CDC123: variants seen among roughly 807,000 people sequenced by gnomAD.
The protein encoded by CDC123 is translation initiation factor eIF2 assembly protein.
In CDC123, 37 loss-of-function variants were observed where a neutral mutation model predicts 54.4. That is an observed-to-expected ratio of 0.68 (90% CI 0.52 to 0.89). CDC123 has a LOEUF of 0.89. Among genes scored for constraint, CDC123 ranks in the 40% least tolerant of loss-of-function variants. The pLI is 0.00. For missense variants in CDC123, 361 were observed against 412.1 expected, an observed-to-expected ratio of 0.88 and a Z score of 1.07; for synonymous variants, 144 against 136.8, an observed-to-expected ratio of 1.05 and a Z score of -0.37.
intron 2 of CDC123, among the ~76,000 whole-genome samples, chr10:12,200,120 A>T (rs112605963): frequency 0.034 from 2,028 of 59,314 alleles, 113 homozygotes; most frequent in African/African-American, 0.12. Context: ...CGCACTCGGC[A>T]TTTTTTTTTT....
chr10:12,213,767 A>C (rs148746538), intron 4 of CDC123, among the ~76,000 whole-genome samples: 46 of 152,352 alleles, frequency 3.0e-4, no homozygotes, highest in Non-Finnish European at 5.4e-4. Flanking sequence ...GAACTGGTTC[A>C]AAAGAGAATC....
At chr10:12,221,128 GCTTGA>G (rs2131744467) in intron 6 of CDC123, among the ~76,000 whole-genome samples, 1 of 151,412 alleles carries the variant, frequency 6.6e-6, no homozygotes, top group African/African-American at 2.4e-5. Context: ...CTATTTTGAG[GCTTGA>G]CTTGACAAAA....
At chr10:12,217,755 AAAAT>A (rs1466000135) in intron 6 of CDC123, among the ~76,000 whole-genome samples, 4 of 152,194 alleles carry the variant, frequency 2.6e-5, no homozygotes, top group Admixed American at 1.3e-4. Context: ...ATAGAAAAGC[AAAAT>A]TAGGGATTAC....
At chr10:12,199,184 G>GC (rs964676835) in intron 2 of CDC123, among the ~76,000 whole-genome samples, 15 of 152,154 alleles carry the variant, frequency 9.9e-5, no homozygotes, top group Middle Eastern at 3.4e-3. Flanking sequence ...AACTACCGTG[G>GC]CCCCCCCTCC....
chr10:12,215,695 C>T (rs775687918), intron 4 of CDC123, 45 bp from the exon 5 acceptor site: 2 of 1,149,824 alleles, frequency 1.7e-6, no homozygotes, highest in Non-Finnish European at 1.3e-6. Flanking sequence ...TATATATATA[C>T]TGTGATGATA....
chr10:12,223,047 A>G (rs1329304609), intron 6 of CDC123, among the ~76,000 whole-genome samples: 1 of 151,758 alleles, frequency 6.6e-6, no homozygotes, highest in Non-Finnish European at 1.5e-5. Flanking sequence ...GCCTGCCACC[A>G]TGCCTGGCTA....
chr10:12,215,932 A>C, intron 5 of CDC123, 97 bp downstream of exon 5: 1 of 664,246 alleles, frequency 1.5e-6, no homozygotes, highest in Non-Finnish European at 2.4e-6. Context: ...TTATATTCCT[A>C]ATTCTAGGAA....
rs150239831 is a variant in CDC123 at position 12,225,906 on chromosome 10, C to T, written c.441-5042C>T. 3.3e-5 allele frequency among the ~76,000 whole-genome samples: 5 copies of T among 151,888 alleles called. No homozygotes were observed. The South Asian group carries it at 8.3e-4, about 25-fold the overall frequency. ...TGGTTTTCCTAGGCAGAGGACCCTG[C>T]GGCCTTCTGCAGTGTTTGTGTCCCT... On this transcript the variant is annotated intron_variant, in intron 6 of 12. Coordinates refer to ENST00000281141, the MANE Select transcript of CDC123 (RefSeq NM_006023.3).
intron 6 of CDC123, among the ~76,000 whole-genome samples, chr10:12,230,283 C>G (rs571713503): frequency 5.5e-4 from 83 of 152,028 alleles, no homozygotes; most frequent in African/African-American, 1.9e-3. Flanking sequence ...TCCTCCGCCT[C>G]ACGGTTTTAG....
At chr10:12,200,119 C>CCTTTTTTTTTTTTTTTTT (rs1564431631) in intron 2 of CDC123, among the ~76,000 whole-genome samples, 3 of 24,272 alleles carry the variant, frequency 1.2e-4, no homozygotes, top group African/African-American at 3.4e-4. Context: ...CCGCACTCGG[C>CCTTTTTTTTTTTTTTTTT]ATTTTTTTTT....
chr10:12,200,669 A>C (rs1372671766), intron 2 of CDC123, among the ~76,000 whole-genome samples: 1 of 152,028 alleles, frequency 6.6e-6, no homozygotes, highest in South Asian at 2.1e-4. Context: ...GCGGTGGCTC[A>C]TGCCTGTAAT....
At chr10:12,204,064 G>A (rs1284262386) in intron 2 of CDC123, among the ~76,000 whole-genome samples, 2 of 147,134 alleles carry the variant, frequency 1.4e-5, no homozygotes, top group Non-Finnish European at 3.0e-5. Context: ...CTGCACTCCA[G>A]CCTGGGCAAC....
intron 4 of CDC123, among the ~76,000 whole-genome samples, chr10:12,214,323 C>T (rs1022072274): frequency 6.6e-6 from 1 of 152,086 alleles, no homozygotes; most frequent in African/African-American, 2.4e-5. Context: ...ATGGCTAGAG[C>T]GGTAGGGGAG....
chr10:12,239,844 T>G (rs1836032891), intron 10 of CDC123, among the ~76,000 whole-genome samples: 1 of 151,688 alleles, frequency 6.6e-6, no homozygotes, highest in South Asian at 2.1e-4. Flanking sequence ...CTGTCTCTAC[T>G]AAAAATACAA....
chr10:12,199,972 C>T, intron 2 of CDC123, among the ~76,000 whole-genome samples: 1 of 151,658 alleles, frequency 6.6e-6, no homozygotes, highest in South Asian at 2.1e-4. Flanking sequence ...CAGGCGCCCA[C>T]CACCACGCCT....
At chr10:12,237,838 G>A (rs932098905) in intron 9 of CDC123, among the ~76,000 whole-genome samples, 1 of 152,272 alleles carries the variant, frequency 6.6e-6, no homozygotes, top group Non-Finnish European at 1.5e-5. Context: ...TATCTACAGA[G>A]AACAAAGTCT....
At chr10:12,245,172 C>G (rs1157693814) in intron 10 of CDC123, 1 of 152,280 alleles carries the variant, frequency 6.6e-6, no homozygotes, top group East Asian at 1.9e-4. Context: ...GAACAGAGCA[C>G]TGAAGGCTCC....
intron 6 of CDC123, among the ~76,000 whole-genome samples, chr10:12,226,195 T>C (rs1028062271): frequency 2.0e-5 from 3 of 152,292 alleles, no homozygotes; most frequent in South Asian, 4.1e-4. Flanking sequence ...TGATTTCTCT[T>C]TCCTTTCCCC....
intron 6 of CDC123, 21 bp from the exon 7 acceptor site, chr10:12,230,927 C>G: frequency 1.2e-6 from 2 of 1,609,534 alleles, no homozygotes; most frequent in South Asian, 1.1e-5. Flanking sequence ...GATTCAGTTG[C>G]CTTTTCTTCT....
Sources: gnomAD v4.1 joint callset for allele counts (sites outside exome capture counted in the v4.1 genomes callset) on GRCh38, gnomAD v4.1.1 for gene constraint, MANE v1.5 for transcripts, NCBI Gene and HGNC (gene_info 2026-07-23, HGNC 2026-07-21) for gene names.